The following CNTNAP5 variants were observed in gnomAD, a reference collection of about 807,000 sequenced individuals.
CNTNAP5 encodes the protein contactin-associated protein-like 5.
CNTNAP5 carries 72 observed loss-of-function variants against 150.2 expected under a neutral mutation model. The ratio of observed to expected loss-of-function variants is 0.48; its 90% confidence interval spans 0.40 to 0.58. The LOEUF (loss-of-function observed/expected upper bound fraction) is 0.58, where lower values mean the gene tolerates loss of function less well. CNTNAP5 is among the 20% of genes least tolerant of loss of function. The pLI is 0.00. For missense variants in CNTNAP5, 1,636 were observed against 1,626.2 expected, an observed-to-expected ratio of 1.01 and a Z score of -0.10; for synonymous variants, 672 against 619.8, an observed-to-expected ratio of 1.08 and a Z score of -1.25.
At chr2:124,268,275 G>T (rs943935400) in intron 3 of CNTNAP5, among the ~76,000 whole-genome samples, 1 of 152,170 alleles carries the variant, frequency 6.6e-6, no homozygotes, top group Non-Finnish European at 1.5e-5. Context: ...GTGTTGTTTT[G>T]TTGTGTTTTC....
At chr2:124,194,854 G>A (rs553753870) in intron 1 of CNTNAP5, among the ~76,000 whole-genome samples, 1 of 151,676 alleles carries the variant, frequency 6.6e-6, no homozygotes, top group East Asian at 1.9e-4. Context: ...CGTTTCTTTT[G>A]AATATTGGAC....
At chr2:124,706,901 A>AGAAGGAGAAGAGGAAGAGGAAGAAGG (rs1558743239) in intron 13 of CNTNAP5, among the ~76,000 whole-genome samples, 2 of 7,926 alleles carry the variant, frequency 2.5e-4, no homozygotes, top group Non-Finnish European at 4.5e-4. Flanking sequence ...GAGGAAGAAG[A>AGAAGGAGAAGAGGAAGAGGAAGAAGG]AGGAGGAGGA....
Position 124,377,693 on chromosome 2 carries a change from G to A in CNTNAP5, c.382-39750G>A, listed in dbSNP as rs78313552. Among the ~76,000 whole-genome samples the A allele has an allele frequency of 8.9e-3, 1,283 of 143,600 alleles. 15 individuals carry two copies. The highest frequency in any genetic ancestry group is 0.03 in the African/African-American group (1,182 of 38,968). The allele number at this position is 143,600 out of a possible 152,430, so 94.2% of individuals were successfully genotyped here. ...TCCATCTCAAAAAGGAAAAAAAAAAGAAAAAAAAATAAATGCACCTTTTTT... is the reference window on the plus strand; with the variant it reads ...TCCATCTCAAAAAGGAAAAAAAAAAAAAAAAAAAATAAATGCACCTTTTTT... On this transcript the variant is annotated intron_variant, in intron 3 of 23. Coordinates refer to ENST00000682447, the MANE Select transcript of CNTNAP5 (RefSeq NM_001367498.1).
chr2:124,408,026 G>A (rs1032841841), intron 3 of CNTNAP5, among the ~76,000 whole-genome samples: 6 of 152,096 alleles, frequency 3.9e-5, no homozygotes, highest in African/African-American at 7.2e-5. Flanking sequence ...GTGGGTGCGC[G>A]CACCGTACGC....
intron 4 of CNTNAP5, among the ~76,000 whole-genome samples, chr2:124,417,815 A>G (rs1691964934): frequency 6.6e-6 from 1 of 152,234 alleles, no homozygotes; most frequent in Admixed American, 6.5e-5. Flanking sequence ...TCAATGAAAC[A>G]TTCAAAATTA....
chr2:124,477,471 C>T (rs1325936831), intron 7 of CNTNAP5, among the ~76,000 whole-genome samples: 2 of 152,026 alleles, frequency 1.3e-5, no homozygotes, highest in Admixed American at 1.3e-4. Context: ...TCCCTGACTC[C>T]TTCGGTTTGG....
chr2:124,189,776 G>A (rs2104692736), intron 1 of CNTNAP5, among the ~76,000 whole-genome samples: 1 of 152,270 alleles, frequency 6.6e-6, no homozygotes, highest in South Asian at 2.1e-4. Context: ...ACACCTTGCA[G>A]GGCTTCCAGG....
intron 12 of CNTNAP5, among the ~76,000 whole-genome samples, chr2:124,638,004 G>A (rs984907511): frequency 2.0e-5 from 3 of 151,942 alleles, no homozygotes; most frequent in Admixed American, 2.0e-4. Flanking sequence ...AGACCTAGAT[G>A]TTTGTTTGCT....
At chr2:124,856,069 G>T (rs902290971) in intron 19 of CNTNAP5, among the ~76,000 whole-genome samples, 2 of 144,640 alleles carry the variant, frequency 1.4e-5, no homozygotes, top group Admixed American at 1.4e-4. Flanking sequence ...CTGAGTAATA[G>T]TCCATGGTGT....
At chr2:124,773,146 G>A in intron 17 of CNTNAP5, 129 bp downstream of exon 17, 2 of 738,314 alleles carry the variant, frequency 2.7e-6, no homozygotes, top group Non-Finnish European at 4.6e-6. Flanking sequence ...ATTTCTAATG[G>A]TAAATTTCAT....
intron 13 of CNTNAP5, among the ~76,000 whole-genome samples, chr2:124,724,096 G>A (rs942691687): frequency 2.6e-5 from 4 of 151,620 alleles, no homozygotes; most frequent in Non-Finnish European, 5.9e-5. Context: ...AGTGAGCTGA[G>A]ATTGCACCAC....
intron 19 of CNTNAP5, among the ~76,000 whole-genome samples, chr2:124,859,649 A>G (rs1677466538): frequency 6.6e-6 from 1 of 152,218 alleles, no homozygotes; most frequent in Non-Finnish European, 1.5e-5. Context: ...GCAAAGACTG[A>G]GAACCAACCC....
At chr2:124,431,547 T>TATTATATATAATTTCCTTATATAAAC (rs1692382973) in intron 4 of CNTNAP5, among the ~76,000 whole-genome samples, 1 of 92,138 alleles carries the variant, frequency 1.1e-5, no homozygotes, top group Non-Finnish European at 2.3e-5. Flanking sequence ...TTTATATAAA[T>TATTATATATAATTTCCTTATATAAAC]ATTATATATA....
At chr2:124,175,975 G>A (rs1259996375) in intron 1 of CNTNAP5, among the ~76,000 whole-genome samples, 1 of 152,134 alleles carries the variant, frequency 6.6e-6, no homozygotes, top group African/African-American at 2.4e-5. Context: ...AGGATTACTG[G>A]GTCATGTGTG....
intron 3 of CNTNAP5, among the ~76,000 whole-genome samples, chr2:124,362,862 T>C (rs1315417636): frequency 6.6e-6 from 1 of 152,320 alleles, no homozygotes. Context: ...TACATTCTAT[T>C]TTTTTGTTCA....
intron 1 of CNTNAP5, among the ~76,000 whole-genome samples, chr2:124,036,407 C>T (rs1215505060): frequency 6.6e-6 from 1 of 152,036 alleles, no homozygotes; most frequent in African/African-American, 2.4e-5. Flanking sequence ...CCCAAGTCTT[C>T]AGATACTGCT....
At chr2:124,782,087 T>C (rs1309734560) in intron 17 of CNTNAP5, among the ~76,000 whole-genome samples, 1 of 152,160 alleles carries the variant, frequency 6.6e-6, no homozygotes, top group Non-Finnish European at 1.5e-5. Flanking sequence ...TCCACTCTCT[T>C]AGAGTTTCTG....
intron 12 of CNTNAP5, among the ~76,000 whole-genome samples, chr2:124,634,041 A>C (rs531662850): frequency 6.6e-6 from 1 of 152,180 alleles, no homozygotes; most frequent in Non-Finnish European, 1.5e-5. Flanking sequence ...AGAGGCTGCC[A>C]TGGAGGTCTC....
intron 11 of CNTNAP5, among the ~76,000 whole-genome samples, chr2:124,589,045 A>C (rs536391561): frequency 7.9e-5 from 12 of 152,270 alleles, no homozygotes; most frequent in Non-Finnish European, 1.3e-4. Context: ...CATATTTCAT[A>C]GACCATACAT....
Sources: allele counts gnomAD v4.1 joint callset (sites outside exome capture counted in the v4.1 genomes callset), GRCh38; gene constraint gnomAD v4.1.1; transcripts MANE v1.5; gene names NCBI Gene and HGNC (gene_info 2026-07-23, HGNC 2026-07-21).